The following STIM1 variants were observed in gnomAD, a reference collection of about 807,000 sequenced individuals.
STIM1 encodes stromal interaction molecule 1.
A neutral mutation model predicts 74.7 loss-of-function variants in STIM1; 25 were observed. The ratio of observed to expected loss-of-function variants is 0.33; its 90% CI spans 0.24 to 0.47. STIM1 has a LOEUF of 0.47. Among genes scored for constraint, STIM1 ranks in the 20% least tolerant of loss-of-function variants. The pLI is 1.00. For synonymous variants in STIM1, 328 were observed against 348.8 expected (o/e 0.94, Z 0.66); for missense variants, 728 against 920.8 (o/e 0.79, Z 2.71).
At chr11:3,941,449 T>C (rs545985451) in intron 1 of STIM1, among the ~76,000 whole-genome samples, 2 of 152,248 alleles carry the variant, frequency 1.3e-5, no homozygotes, top group East Asian at 3.9e-4. Context: ...ACATTTGTTA[T>C]ATTTGAAAGT....
At chr11:3,905,298 A>T (rs536558020) in intron 1 of STIM1, among the ~76,000 whole-genome samples, 2 of 152,126 alleles carry the variant, frequency 1.3e-5, no homozygotes, top group East Asian at 3.9e-4. Context: ...TTTTTTGAGA[A>T]ATATAGTTGC....
At chr11:4,080,494 T>C (rs2094459883) in intron 7 of STIM1, among the ~76,000 whole-genome samples, 1 of 142,446 alleles carries the variant, frequency 7.0e-6, no homozygotes, top group Non-Finnish European at 1.5e-5. Context: ...TGAGACAGTG[T>C]CTCACTCTAT....
rs559146267 is a variant in STIM1, at chr11:3,997,187, A to G, written c.271-26686A>G. Among the ~76,000 whole-genome samples, 29 of 152,346 alleles carry G rather than the reference A, an allele frequency of 1.9e-4. No homozygotes were observed. The South Asian group carries it at 3.9e-3, about 21-fold the overall frequency. ...CCAGTGTTTTGGTGGGGCATCAACA[A>G]TGATTCCATGACAAGCACTGAGCGT... On this transcript the variant is annotated intron_variant, in intron 2 of 12. Coordinates refer to ENST00000526596, the MANE Select transcript of STIM1 (RefSeq NM_001382567.1).
intron 1 of STIM1, among the ~76,000 whole-genome samples, chr11:3,916,055 C>G (rs1035914606): frequency 2.6e-5 from 4 of 151,788 alleles, no homozygotes; most frequent in Admixed American, 6.6e-5. Context: ...TGATACATCT[C>G]AAAATAAATA....
intron 2 of STIM1, among the ~76,000 whole-genome samples, chr11:4,005,759 C>CT (rs1234607420): frequency 6.6e-6 from 1 of 151,932 alleles, no homozygotes; most frequent in Non-Finnish European, 1.5e-5. Flanking sequence ...ATTCTAGTGT[C>CT]TAATATGGTA....
At position 3,856,063 on chromosome 11, in the gene STIM1, C is replaced by A; in HGVS notation, c.-208C>A. 1.6e-6 allele frequency: 1 copy of A among 615,524 alleles called. No individual in the cohort carries two copies. Among genetic ancestry groups the A allele is most frequent in the Non-Finnish European group, 2.9e-6 (1 of 347,014 alleles). 38.1% of individuals were successfully genotyped at this position (615,524 alleles called of 1,614,324 possible). A position where few individuals can be genotyped will look rare whatever the true frequency, so the allele number is the denominator to read the frequency against. On this transcript the variant is annotated 5_prime_UTR_variant, in exon 1 of 13. Coordinates refer to ENST00000526596, the MANE Select transcript of STIM1 (RefSeq NM_001382567.1). ...CAGCCCCGGCGGACCCACTGTTGGACCTGAGGAGCCAGCCCTCCTCCCGCA... is the reference window on the plus strand; with the variant it reads ...CAGCCCCGGCGGACCCACTGTTGGAACTGAGGAGCCAGCCCTCCTCCCGCA...
intron 1 of STIM1, among the ~76,000 whole-genome samples, chr11:3,911,549 T>C (rs2092562237): frequency 1.3e-5 from 2 of 152,140 alleles, no homozygotes; most frequent in Non-Finnish European, 2.9e-5. Flanking sequence ...CATGCCCGGC[T>C]AACTTTAAAA....
In STIM1 at chr11:4,023,285, C is replaced by T. The variant is rs146042956; in HGVS notation, c.271-588C>T. Among the ~76,000 whole-genome samples, 826 of 152,168 alleles carry T rather than the reference C, an allele frequency of 5.4e-3. 9 individuals are homozygous for T. Among genetic ancestry groups the T allele is most frequent in the African/African-American group, 0.019 (773 of 41,526 alleles). ...TGGAGGTTGCAGTGAGCTGAAATTGCGCCACTGCACTCCAGCCTGGGTGAC... is the reference window on the plus strand; with the variant it reads ...TGGAGGTTGCAGTGAGCTGAAATTGTGCCACTGCACTCCAGCCTGGGTGAC... On this transcript the variant is annotated intron_variant, in intron 2 of 12. Transcript: ENST00000526596.
At chr11:3,996,638 C>T (rs1254582303) in intron 2 of STIM1, among the ~76,000 whole-genome samples, 3 of 152,176 alleles carry the variant, frequency 2.0e-5, no homozygotes, top group Non-Finnish European at 2.9e-5. Context: ...AGGTGGAGAA[C>T]AGGTCTTGGT....
intron 8 of STIM1, 69 bp from the exon 9 acceptor site, chr11:4,082,813 G>A: frequency 3.0e-6 from 4 of 1,314,780 alleles, no homozygotes; most frequent in South Asian, 1.2e-5. Context: ...AGCCATAGGG[G>A]AAGGCCTTTC....
At chr11:3,990,210 C>T (rs1267792549) in intron 2 of STIM1, among the ~76,000 whole-genome samples, 1 of 152,192 alleles carries the variant, frequency 6.6e-6, no homozygotes, top group African/African-American at 2.4e-5. Context: ...CATGTTGTAT[C>T]AGTACTGCCT....
At chr11:3,896,903 GA>G (rs2092196332) in intron 1 of STIM1, among the ~76,000 whole-genome samples, 1 of 152,112 alleles carries the variant, frequency 6.6e-6, no homozygotes, top group African/African-American at 2.4e-5. Context: ...CAATCTCATA[GA>G]GCTGTGCGAA....
intron 2 of STIM1, among the ~76,000 whole-genome samples, chr11:3,985,954 A>G (rs1301008965): frequency 6.6e-6 from 1 of 152,096 alleles, no homozygotes; most frequent in Non-Finnish European, 1.5e-5. Context: ...CCTTTCATTC[A>G]TTCTTGTGTT....
At chr11:3,965,395 A>C (rs1413580725) in intron 1 of STIM1, among the ~76,000 whole-genome samples, 1 of 152,210 alleles carries the variant, frequency 6.6e-6, no homozygotes, top group African/African-American at 2.4e-5. Flanking sequence ...CTTCTGAGAG[A>C]AAAATGAGAT....
At chr11:3,959,130 C>T (rs2093255972) in intron 1 of STIM1, among the ~76,000 whole-genome samples, 1 of 152,068 alleles carries the variant, frequency 6.6e-6, no homozygotes, top group African/African-American at 2.4e-5. Flanking sequence ...GATCCCTTTC[C>T]AAGAATGAGG....
chr11:3,960,296 G>A (rs1475187122), intron 1 of STIM1, among the ~76,000 whole-genome samples: 1 of 152,176 alleles, frequency 6.6e-6, no homozygotes, highest in African/African-American at 2.4e-5. Context: ...AGTATTTGTT[G>A]CCAATGATAA....
At chr11:3,969,404 C>T (rs2093370465) in intron 2 of STIM1, among the ~76,000 whole-genome samples, 1 of 152,026 alleles carries the variant, frequency 6.6e-6, no homozygotes, top group Non-Finnish European at 1.5e-5. Flanking sequence ...ATCACTTGAA[C>T]CTAGGAGGTC....
intron 3 of STIM1, among the ~76,000 whole-genome samples, chr11:4,048,165 A>G (rs2094208899): frequency 6.6e-6 from 1 of 152,154 alleles, no homozygotes; most frequent in South Asian, 2.1e-4. Context: ...TTATGAGAGG[A>G]CAGTGATGAA....
At chr11:3,968,417 G>T (rs2093360323) in intron 2 of STIM1, among the ~76,000 whole-genome samples, 1 of 152,124 alleles carries the variant, frequency 6.6e-6, no homozygotes, top group Non-Finnish European at 1.5e-5. Context: ...ATCACGATGG[G>T]GGAGATATCC....
Sources: allele counts gnomAD v4.1 joint callset (sites outside exome capture counted in the v4.1 genomes callset), GRCh38; gene constraint gnomAD v4.1.1; transcripts MANE v1.5; gene names NCBI Gene and HGNC (gene_info 2026-07-23, HGNC 2026-07-21).